Variants in TTC32 observed in about 807,000 individuals in gnomAD.
TTC32 encodes tetratricopeptide repeat domain 32.
A neutral mutation model predicts 15.3 loss-of-function variants in TTC32; 16 were observed. The observed-to-expected ratio is 1.05, with a 90% confidence interval of 0.71 to 1.59. TTC32 has a LOEUF of 1.59. Among genes scored for constraint, TTC32 ranks in the 40% most tolerant of loss-of-function variants. The probability of loss-of-function intolerance (pLI) is 0.00; values close to 1 mark genes in which losing one functional copy is unlikely to be tolerated. For synonymous variants in TTC32, 89 were observed against 67.8 expected (o/e 1.31, Z -1.53); for missense variants, 188 against 181.9 (o/e 1.03, Z -0.19).
rs375533210 is a variant in TTC32, at chr2:19,901,877, G to A, written c.-23C>T. ...CATAGCAGCCAAGGCCTAGTTTTCG[G>A]TGTAGAATGGGGGTTGACCTCCGAG... On this transcript the variant is annotated 5_prime_UTR_variant, in exon 1 of 3. Coordinates refer to ENST00000333610, the MANE Select transcript of TTC32 (RefSeq NM_001008237.3). 12 of 1,613,564 alleles carry A rather than the reference G, an allele frequency of 7.4e-6. No homozygotes were observed. The highest frequency in any genetic ancestry group is 8.5e-6 in the Non-Finnish European group (10 of 1,179,786).
At chr2:19,901,684 C>T in intron 1 of TTC32, 22 bp downstream of exon 1, 1 of 1,603,796 alleles carries the variant, frequency 6.2e-7, no homozygotes, top group Non-Finnish European at 8.5e-7. Context: ...GTCGCCGCGG[C>T]CCCAGGTCTC....
At chr2:19,900,728 A>G (rs1486252409) in intron 1 of TTC32, among the ~76,000 whole-genome samples, 5 of 152,246 alleles carry the variant, frequency 3.3e-5, no homozygotes, top group African/African-American at 1.2e-4. Context: ...GCGAATCGTT[A>G]TGTGCTTCCT....
In TTC32 at chr2:19,898,011, A is replaced by T; in HGVS notation, c.174T>A (p.Ala58=). ...TTTGCCCCCTGTTGTTATATGCAGT[A>T]GCCAAATCCTCAGGGCTGCATTTGC... ...PGSKCSPEDL[A]TAYNNRGQIK... is the part of the protein sequence containing the mutation. Residue 58 remains alanine, a synonymous_variant, in exon 2 of 3, where the codon GCT becomes GCA. Transcript: ENST00000333610. 1.3e-6 allele frequency: 2 copies of T among 1,588,612 alleles called. No individual in the cohort carries two copies. Among genetic ancestry groups the T allele is most frequent in the Non-Finnish European group, 8.6e-7 (1 of 1,163,552 alleles).
At chr2:19,900,664 T>C (rs1379292039) in intron 1 of TTC32, among the ~76,000 whole-genome samples, 1 of 152,192 alleles carries the variant, frequency 6.6e-6, no homozygotes, top group African/African-American at 2.4e-5. Flanking sequence ...AAAAGATGCT[T>C]TGGGCAAGCA....
At chr2:19,900,712 AAGTC>A (rs781401179) in intron 1 of TTC32, among the ~76,000 whole-genome samples, 27 of 152,318 alleles carry the variant, frequency 1.8e-4, no homozygotes, top group Non-Finnish European at 3.4e-4. Flanking sequence ...CACAAAGAGA[AAGTC>A]AGCGAATCGT....
chr2:19,897,605 G>A (rs1669531123), intron 2 of TTC32, among the ~76,000 whole-genome samples: 1 of 152,128 alleles, frequency 6.6e-6, no homozygotes, highest in African/African-American at 2.4e-5. Flanking sequence ...TCATTTCACA[G>A]CTGGGAATGC....
Position 19,901,831 on chromosome 2 carries a change from G to C in TTC32, c.24C>G (p.Ser8Arg). 2 of 1,614,136 alleles carry C rather than the reference G, an allele frequency of 1.2e-6. No individual in the cohort carries two copies. Among genetic ancestry groups the C allele is most frequent in the Middle Eastern group, 3.3e-4 (2 of 6,062 alleles). MEGQRQESHATLTLAQAH... is the reference protein window; with the variant it reads MEGQRQERHATLTLAQAH... Reference sequence around the variant, plus strand: ...CCTGGGCGAGTGTTAGGGTTGCGTGGCTTTCTTGCCGCTGTCCTTCCATAG... The same window carrying C: ...CCTGGGCGAGTGTTAGGGTTGCGTGCCTTTCTTGCCGCTGTCCTTCCATAG... Residue 8 changes from serine (S) to arginine (R), a missense_variant, in exon 1 of 3, where the codon AGC becomes AGG. Ser to Arg is a moderately radical substitution (Grantham distance 110, BLOSUM62 -1). Coordinates refer to ENST00000333610, the MANE Select transcript of TTC32 (RefSeq NM_001008237.3).
chr2:19,897,152 A>C (rs1669523441), intron 2 of TTC32, 26 bp from the exon 3 acceptor site: 1 of 1,565,620 alleles, frequency 6.4e-7, no homozygotes, highest in African/African-American at 1.4e-5. Context: ...AAAAATGGAA[A>C]AGAGAAAAGA....
At chr2:19,899,287 T>C (rs1474901390) in intron 1 of TTC32, among the ~76,000 whole-genome samples, 2 of 152,216 alleles carry the variant, frequency 1.3e-5, no homozygotes, top group African/African-American at 4.8e-5. Context: ...ACCACTCCCC[T>C]TCACCTATGT....
rs1360606425 is a variant in TTC32, at chr2:19,901,745, C to G, written c.110G>C (p.Arg37Pro). The G allele has an allele frequency of 2.5e-6, 4 of 1,613,298 alleles. No individual in the cohort carries two copies. Among genetic ancestry groups the G allele is most frequent in the Non-Finnish European group, 3.4e-6 (4 of 1,179,540 alleles). ...GTCGCTGGAGGCCGCGCAAGCGCACCGGCGAATGTAAGCGGAGTACAGTGC... is the reference window on the plus strand; with the variant it reads ...GTCGCTGGAGGCCGCGCAAGCGCACGGGCGAATGTAAGCGGAGTACAGTGC... The part of the protein sequence containing the change: ...AEALYSAYIR[R>P]CACAASSDES... Residue 37 changes from arginine (R) to proline (P), a missense_variant, in exon 1 of 3, where the codon CGG becomes CCG. Coordinates refer to ENST00000333610, the MANE Select transcript of TTC32 (RefSeq NM_001008237.3).
chr2:19,901,979 T>C lies in TTC32; in HGVS notation c.-125A>G, dbSNP rs1669616542. The C allele has an allele frequency of 2.5e-6, 3 of 1,221,442 alleles. No individual in the cohort carries two copies. In the South Asian group the frequency reaches 4.4e-5, roughly 18 times the overall value. 75.7% of individuals were successfully genotyped at this position (1,221,442 alleles called of 1,614,324 possible). ...ACAGCCAACCTTGGCGCTAGGTTTG[T>C]GCCTTATGGGGATCCGTCGTCTCGC... On this transcript the variant is annotated 5_prime_UTR_variant, in exon 1 of 3. Transcript: ENST00000333610.
chr2:19,898,986 G>T (rs928606210), intron 1 of TTC32, among the ~76,000 whole-genome samples: 2 of 152,148 alleles, frequency 1.3e-5, no homozygotes, highest in Non-Finnish European at 1.5e-5. Flanking sequence ...GTAATACCCC[G>T]TAGTAAAAAG....
chr2:19,900,775 G>C (rs554952316), intron 1 of TTC32, among the ~76,000 whole-genome samples: 1 of 152,340 alleles, frequency 6.6e-6, no homozygotes, highest in South Asian at 2.1e-4. Context: ...AAGTATTCTT[G>C]CCATGATATT....
intron 1 of TTC32, chr2:19,900,946 G>A (rs1349277374): frequency 2.0e-5 from 7 of 347,764 alleles, no homozygotes; most frequent in East Asian, 9.4e-5. Flanking sequence ...AATAAAGAGG[G>A]GAAGGTGGAG....
intron 1 of TTC32, chr2:19,901,396 GGA>G: frequency 2.8e-6 from 1 of 362,088 alleles, no homozygotes; most frequent in Non-Finnish European, 5.2e-6. Context: ...GAACGTGGAA[GGA>G]GAGACGGCGG....
At chr2:19,898,153 GA>G in intron 1 of TTC32, 118 bp from the exon 2 acceptor site, 1 of 899,812 alleles carries the variant, frequency 1.1e-6, no homozygotes, top group Non-Finnish European at 1.6e-6. Context: ...CATCAACACT[GA>G]AAATCCAAGC....
chr2:19,901,354 C>G (rs990618827), intron 1 of TTC32: 9 of 326,778 alleles, frequency 2.8e-5, no homozygotes, highest in African/African-American at 4.4e-5. Flanking sequence ...TGGAAAATTC[C>G]TATCTGTCCT....
At chr2:19,898,792 A>G (rs1558311883) in intron 1 of TTC32, among the ~76,000 whole-genome samples, 1 of 152,246 alleles carries the variant, frequency 6.6e-6, no homozygotes, top group Non-Finnish European at 1.5e-5. Context: ...AGCTCTGACC[A>G]GCCACCAGCT....
chr2:19,897,540 T>C (rs1183997939), intron 2 of TTC32, among the ~76,000 whole-genome samples: 1 of 152,246 alleles, frequency 6.6e-6, no homozygotes, highest in East Asian at 1.9e-4. Flanking sequence ...TTGTCTTGTG[T>C]GTCTTCAAAG....
Sources: allele counts gnomAD v4.1 joint callset (sites outside exome capture counted in the v4.1 genomes callset), GRCh38; gene constraint gnomAD v4.1.1; transcripts MANE v1.5; gene names NCBI Gene and HGNC (gene_info 2026-07-23, HGNC 2026-07-21).